PCSK6: variants seen among roughly 807,000 people sequenced by gnomAD.
PCSK6 encodes proprotein convertase subtilisin/kexin type 6.
PCSK6 carries 85 observed loss-of-function variants against 123.3 expected under a neutral mutation model. The observed-to-expected ratio is 0.69, with a 90% CI of 0.58 to 0.83. PCSK6 has a LOEUF of 0.83. Ranked by LOEUF, PCSK6 falls within the 40% of genes least tolerant of loss-of-function variation. The probability of loss-of-function intolerance (pLI) is 0.00; values close to 1 mark genes in which losing one functional copy is unlikely to be tolerated. For missense variants in PCSK6, 1,191 were observed against 1,282.3 expected (o/e 0.93, Z 1.09); for synonymous variants, 508 against 516.0 (o/e 0.98, Z 0.21).
At chr15:101,375,307 T>G in intron 11 of PCSK6, among the ~76,000 whole-genome samples, 1 of 124,474 alleles carries the variant, frequency 8.0e-6, no homozygotes, top group South Asian at 2.3e-4. Flanking sequence ...GAAATAAAAT[T>G]TAACCTCAAA....
chr15:101,307,567 C>T (rs999266366), intron 20 of PCSK6: 17 of 457,760 alleles, frequency 3.7e-5, no homozygotes, highest in African/African-American at 3.0e-4. Context: ...TTGGCAGGAG[C>T]AAGCCCAGGA....
chr15:101,464,329 A>G (rs987652811), intron 1 of PCSK6, among the ~76,000 whole-genome samples: 1 of 152,158 alleles, frequency 6.6e-6, no homozygotes, highest in Non-Finnish European at 1.5e-5. Flanking sequence ...GCGGGACGAA[A>G]TGCAAGTAGG....
intron 13 of PCSK6, among the ~76,000 whole-genome samples, chr15:101,343,114 G>A (rs1379569768): frequency 2.0e-5 from 3 of 152,184 alleles, no homozygotes; most frequent in East Asian, 3.9e-4. Context: ...TTATGTAAAC[G>A]TGTCAATTTT....
Position 101,305,071 on chromosome 15 carries a change from A to G in PCSK6, c.*187T>C. The G allele has an allele frequency of 1.7e-6, 1 of 581,878 alleles. No individual in the cohort carries two copies. Among genetic ancestry groups the G allele is most frequent in the Non-Finnish European group, 3.1e-6 (1 of 325,298 alleles). 36.0% of individuals were successfully genotyped at this position (581,878 alleles called of 1,614,324 possible). A position where few individuals can be genotyped will look rare whatever the true frequency, so the allele number is the denominator to read the frequency against. Reference sequence around the variant, plus strand: ...AAGCAGCATTTGAGAGGATATCACCATTTTAGGAACACCTCCTTAAGAGCC... The same window carrying G: ...AAGCAGCATTTGAGAGGATATCACCGTTTTAGGAACACCTCCTTAAGAGCC... On this transcript the variant is annotated 3_prime_UTR_variant, in exon 22 of 22. Coordinates refer to ENST00000611716, the MANE Select transcript of PCSK6 (RefSeq NM_002570.5). This position sits in a 1 kb window ranked among gnomAD's most constrained non-coding sequence, Gnocchi z 4.8.
intron 11 of PCSK6, among the ~76,000 whole-genome samples, chr15:101,373,970 C>T (rs2041658701): frequency 2.6e-5 from 4 of 152,292 alleles, no homozygotes; most frequent in South Asian, 4.1e-4. Flanking sequence ...AAACTGTGGT[C>T]TATGTACATA....
chr15:101,371,072 T>C (rs573762926), intron 11 of PCSK6, among the ~76,000 whole-genome samples: 1 of 152,248 alleles, frequency 6.6e-6, no homozygotes, highest in African/African-American at 2.4e-5. Flanking sequence ...CTGGGCATGG[T>C]GGCGGGTGTC....
At chr15:101,324,251 C>T (rs184719551) in intron 17 of PCSK6, among the ~76,000 whole-genome samples, 12 of 152,362 alleles carry the variant, frequency 7.9e-5, no homozygotes, top group Admixed American at 3.9e-4. Flanking sequence ...CCATCCCTTC[C>T]GAGCCCAACT....
At chr15:101,341,993 G>A (rs577667744) in intron 13 of PCSK6, among the ~76,000 whole-genome samples, 45 of 152,038 alleles carry the variant, frequency 3.0e-4, no homozygotes, top group African/African-American at 9.2e-4. Flanking sequence ...AGCCGGGCGC[G>A]GTGGTGCATG....
chr15:101,420,889 G>T (rs1284814496), intron 6 of PCSK6, among the ~76,000 whole-genome samples: 1 of 152,194 alleles, frequency 6.6e-6, no homozygotes, highest in African/African-American at 2.4e-5. Flanking sequence ...CCCAGGGTAG[G>T]TGCTAATGCA....
In PCSK6 at chr15:101,393,156, T is replaced by C; in HGVS notation, c.1209+56A>G. On this transcript the variant is annotated intron_variant, in intron 8 of 21. Transcript: ENST00000611716. ...TTCTGAGAAAGGGAGAAGAAACTCA[T>C]TCCCAGAGGGCTGAGGCACTCACTG... 3.0e-6 allele frequency: 4 copies of C among 1,336,280 alleles called. No homozygotes were observed. The South Asian group carries it at 5.0e-5, about 17-fold the overall frequency. 82.8% of individuals were successfully genotyped at this position (1,336,280 alleles called of 1,614,324 possible). A position where few individuals can be genotyped will look rare whatever the true frequency, so the allele number is the denominator to read the frequency against.
chr15:101,366,983 G>C (rs923775641), intron 12 of PCSK6, among the ~76,000 whole-genome samples: 1 of 152,210 alleles, frequency 6.6e-6, no homozygotes, highest in Admixed American at 6.5e-5. Context: ...AGGGGCATTT[G>C]AGGGAGATGA....
At chr15:101,354,395 T>G (rs2040982442) in intron 13 of PCSK6, among the ~76,000 whole-genome samples, 1 of 152,248 alleles carries the variant, frequency 6.6e-6, no homozygotes, top group Non-Finnish European at 1.5e-5. Context: ...ACACGTCCAG[T>G]AACTGTCTAG....
chr15:101,310,336 G>A (rs1319088667), intron 20 of PCSK6, among the ~76,000 whole-genome samples: 2 of 152,254 alleles, frequency 1.3e-5, no homozygotes, highest in Admixed American at 6.5e-5. Context: ...GGGGCTGCCC[G>A]CCTGCTGCCT....
At chr15:101,462,647 G>A (rs1167110848) in intron 1 of PCSK6, among the ~76,000 whole-genome samples, 1 of 152,206 alleles carries the variant, frequency 6.6e-6, no homozygotes, top group Non-Finnish European at 1.5e-5. Flanking sequence ...TAGAATATCA[G>A]TGTTGAAAGG....
At chr15:101,377,017 A>G (rs3784498) in intron 11 of PCSK6, among the ~76,000 whole-genome samples, 1 of 152,212 alleles carries the variant, frequency 6.6e-6, no homozygotes, top group Non-Finnish European at 1.5e-5. Context: ...GTTCTGAGAC[A>G]GCCCAAAGAA....
intron 1 of PCSK6, among the ~76,000 whole-genome samples, chr15:101,444,731 A>G (rs2056842190): frequency 6.6e-6 from 1 of 152,158 alleles, no homozygotes; most frequent in Admixed American, 6.5e-5. Context: ...TACCTTTAAA[A>G]GTTAAGTAGG....
chr15:101,321,221 G>A (rs1230340728), intron 18 of PCSK6, among the ~76,000 whole-genome samples: 1 of 152,158 alleles, frequency 6.6e-6, no homozygotes, highest in Admixed American at 6.5e-5. Flanking sequence ...TTTATCTTTG[G>A]GGGATCCCTT....
At position 101,398,527 on chromosome 15, in the gene PCSK6, C is replaced by A. The variant is rs1316603523; in HGVS notation, c.873G>T (p.Ser291=). ...GDVTDVVEAK[S]LGIRPNYIDI... ...CGATGTAGTTGGGTCTGATGCCCAG[C>A]GACTTTGCCTCGACCACATCTGTGA... The change falls in exon 7 of 22, where the codon TCG becomes TCT. Residue 291 remains serine (S), a synonymous_variant. Coordinates refer to ENST00000611716, the MANE Select transcript of PCSK6 (RefSeq NM_002570.5). This position sits in a 1 kb window ranked among gnomAD's most constrained non-coding sequence, Gnocchi z 4.6. 1 of 1,613,814 alleles carries A rather than the reference C, an allele frequency of 6.2e-7. No individual in the cohort carries two copies. The highest frequency in any genetic ancestry group is 8.5e-7 in the Non-Finnish European group (1 of 1,179,800).
intron 6 of PCSK6, among the ~76,000 whole-genome samples, chr15:101,415,917 A>G (rs1044462192): frequency 6.6e-6 from 1 of 152,214 alleles, no homozygotes; most frequent in Non-Finnish European, 1.5e-5. Context: ...AGTCCAATTA[A>G]ATCTCTTTTT....
Sources: gnomAD v4.1 joint callset for allele counts (sites outside exome capture counted in the v4.1 genomes callset) on GRCh38, gnomAD v4.1.1 for gene constraint, Gnocchi (gnomAD v3.1) non-coding constraint, MANE v1.5 for transcripts, NCBI Gene and HGNC (gene_info 2026-07-23, HGNC 2026-07-21) for gene names.